The following LRRTM4 variants were observed in gnomAD, a reference collection of about 807,000 sequenced individuals.
The protein encoded by LRRTM4 is leucine-rich repeat transmembrane neuronal protein 4.
In LRRTM4, 25 loss-of-function variants were observed where a neutral mutation model predicts 47.6. The observed-to-expected ratio is 0.53, with a 90% CI of 0.38 to 0.73. The LOEUF is 0.73. Among genes scored for constraint, LRRTM4 ranks in the 30% least tolerant of loss-of-function variants. The pLI is 0.00. For synonymous variants in LRRTM4, 311 were observed against 269.5 expected (o/e 1.15, Z -1.51); for missense variants, 638 against 713.4 (o/e 0.89, Z 1.20).
rs375530881 is a variant in LRRTM4 at position 76,793,520 on chromosome 2, A to T, written c.1552-44604T>A. Among the ~76,000 whole-genome samples, 21 of 152,260 alleles carry T rather than the reference A, an allele frequency of 1.4e-4. No homozygotes were observed. In the South Asian group the frequency reaches 4.4e-3, roughly 32 times the overall value. On this transcript the variant is annotated intron_variant, in intron 3 of 3. Transcript: ENST00000409884. ...GATTAATTATTTGTGGACAATATCT[A>T]GGCATCAAAGAGCTACATTGTATTT...
intron 3 of LRRTM4, among the ~76,000 whole-genome samples, chr2:77,393,105 A>T (rs1354817159): frequency 6.6e-6 from 1 of 152,024 alleles, no homozygotes; most frequent in East Asian, 1.9e-4. Flanking sequence ...GCTTTTCGTA[A>T]TTCTCTTTTT....
At chr2:77,164,356 TAATG>T (rs1444344572) in intron 3 of LRRTM4, among the ~76,000 whole-genome samples, 1 of 152,096 alleles carries the variant, frequency 6.6e-6, no homozygotes, top group Non-Finnish European at 1.5e-5. Flanking sequence ...CATACAATAA[TAATG>T]AGAGACTTTA....
chr2:77,315,272 A>G (rs1212257203), intron 3 of LRRTM4, among the ~76,000 whole-genome samples: 2 of 152,208 alleles, frequency 1.3e-5, no homozygotes, highest in Admixed American at 6.5e-5. Context: ...TAAAAATCAT[A>G]AAACACTGAT....
chr2:77,464,054 G>T (rs990496887), intron 3 of LRRTM4, among the ~76,000 whole-genome samples: 1 of 152,122 alleles, frequency 6.6e-6, no homozygotes, highest in Non-Finnish European at 1.5e-5. Context: ...GCCAGAATTG[G>T]AACTGGGCTT....
At chr2:76,776,443 T>C (rs1673997751) in intron 3 of LRRTM4, among the ~76,000 whole-genome samples, 1 of 151,818 alleles carries the variant, frequency 6.6e-6, no homozygotes. Flanking sequence ...TTTGAAAGAT[T>C]GCCATTCTAA....
intron 3 of LRRTM4, among the ~76,000 whole-genome samples, chr2:77,096,619 A>G (rs1310390593): frequency 6.6e-6 from 1 of 151,596 alleles, no homozygotes; most frequent in Non-Finnish European, 1.5e-5. Context: ...AAAATCTAGA[A>G]TACTGTACAT....
At chr2:77,169,988 C>G (rs1673000028) in intron 3 of LRRTM4, among the ~76,000 whole-genome samples, 1 of 152,066 alleles carries the variant, frequency 6.6e-6, no homozygotes. Context: ...AGAAAATTAT[C>G]TGTGTGAATT....
intron 3 of LRRTM4, among the ~76,000 whole-genome samples, chr2:76,832,072 A>G (rs1358485338): frequency 6.6e-6 from 1 of 152,136 alleles, no homozygotes; most frequent in East Asian, 1.9e-4. Flanking sequence ...TTCCATGTAA[A>G]GTAATTTAAT....
At chr2:77,406,781 C>G (rs1183226518) in intron 3 of LRRTM4, among the ~76,000 whole-genome samples, 3 of 152,070 alleles carry the variant, frequency 2.0e-5, no homozygotes, top group Non-Finnish European at 4.4e-5. Context: ...ATATAAAGAG[C>G]TGAAGTAGAA....
chr2:77,474,577 T>A (rs1037193917), intron 3 of LRRTM4, among the ~76,000 whole-genome samples: 46 of 152,084 alleles, frequency 3.0e-4, no homozygotes, highest in Non-Finnish European at 5.9e-5. Context: ...AATAGATTGG[T>A]CAAAATTCAA....
intron 3 of LRRTM4, among the ~76,000 whole-genome samples, chr2:77,072,390 G>A (rs1199783352): frequency 6.6e-6 from 1 of 152,000 alleles, no homozygotes; most frequent in Non-Finnish European, 1.5e-5. Context: ...TTATTTCTGT[G>A]AAAAAACCTG....
intron 3 of LRRTM4, among the ~76,000 whole-genome samples, chr2:77,213,995 C>A (rs747279753): frequency 6.6e-6 from 1 of 151,902 alleles, no homozygotes; most frequent in Non-Finnish European, 1.5e-5. Context: ...TATCCTGAGC[C>A]CTAGAAGAAA....
intron 3 of LRRTM4, among the ~76,000 whole-genome samples, chr2:76,979,729 C>T (rs1378585447): frequency 9.3e-6 from 1 of 107,344 alleles, no homozygotes; most frequent in Non-Finnish European, 1.9e-5. Context: ...TAGATAGATG[C>T]ATACATACAT....
Position 76,816,574 on chromosome 2 carries a change from T to TTTTGGAATCTGTATTTTTAA in LRRTM4, c.1552-67678_1552-67659dup, listed in dbSNP as rs1670902699. On this transcript the variant is annotated intron_variant, in intron 3 of 3. Coordinates refer to ENST00000409884, the MANE Select transcript of LRRTM4 (RefSeq NM_001134745.3). ...TATTTATTTTTTATTTTTTTATTTT[T>TTTTGGAATCTGTATTTTTAA]TTTGGAATCTGTATTTTTAAAAAAG... Among the ~76,000 whole-genome samples the TTTTGGAATCTGTATTTTTAA allele has an allele frequency of 3.3e-5, 5 of 151,920 alleles. No homozygotes were observed. In the South Asian group the frequency reaches 1.0e-3, roughly 31 times the overall value.
chr2:77,088,600 G>A (rs1047473585), intron 3 of LRRTM4, among the ~76,000 whole-genome samples: 7 of 152,110 alleles, frequency 4.6e-5, no homozygotes, highest in Non-Finnish European at 8.8e-5. Flanking sequence ...CAGCCCGCCT[G>A]CACCCAGGTG....
At chr2:77,098,561 G>A (rs1251837485) in intron 3 of LRRTM4, among the ~76,000 whole-genome samples, 1 of 151,916 alleles carries the variant, frequency 6.6e-6, no homozygotes, top group Non-Finnish European at 1.5e-5. Context: ...ATAAATATTA[G>A]AGCTTATTCA....
chr2:77,363,111 A>G (rs1334486429), intron 3 of LRRTM4, among the ~76,000 whole-genome samples: 1 of 152,206 alleles, frequency 6.6e-6, no homozygotes, highest in Admixed American at 6.5e-5. Flanking sequence ...GAAGCCAGGA[A>G]GTTTACTTCG....
At chr2:76,786,197 C>G (rs1558651888) in intron 3 of LRRTM4, among the ~76,000 whole-genome samples, 1 of 152,080 alleles carries the variant, frequency 6.6e-6, no homozygotes, top group South Asian at 2.1e-4. Context: ...AAGAAAGTCT[C>G]TAGCCTATCT....
chr2:77,225,550 G>A (rs1429031617), intron 3 of LRRTM4, among the ~76,000 whole-genome samples: 1 of 151,970 alleles, frequency 6.6e-6, no homozygotes, highest in Non-Finnish European at 1.5e-5. Flanking sequence ...GTACTTGTTA[G>A]GTAAATAGTG....
Sources: allele counts gnomAD v4.1 joint callset (sites outside exome capture counted in the v4.1 genomes callset), GRCh38; gene constraint gnomAD v4.1.1; transcripts MANE v1.5; gene names NCBI Gene and HGNC (gene_info 2026-07-23, HGNC 2026-07-21).